The following ASIC2 variants were observed in gnomAD, a reference collection of about 807,000 sequenced individuals.
ASIC2 encodes acid sensing ion channel subunit 2.
ASIC2 carries 25 observed loss-of-function variants against 57.3 expected under a neutral mutation model. The ratio of observed to expected loss-of-function variants is 0.44; its 90% CI spans 0.32 to 0.61. The LOEUF is 0.61. Ranked by LOEUF, ASIC2 falls within the 20% of genes least tolerant of loss-of-function variation. The probability of loss-of-function intolerance (pLI) is 0.06; values close to 1 mark genes in which losing one functional copy is unlikely to be tolerated. For synonymous variants in ASIC2, 319 were observed against 307.5 expected (o/e 1.04, Z -0.39); for missense variants, 641 against 738.1 (o/e 0.87, Z 1.52).
At chr17:34,055,971 G>A (rs940505775) in intron 1 of ASIC2, among the ~76,000 whole-genome samples, 1 of 152,148 alleles carries the variant, frequency 6.6e-6, no homozygotes, top group Non-Finnish European at 1.5e-5. Flanking sequence ...GCAGTTAAGA[G>A]GCTATTACAG....
intron 1 of ASIC2, among the ~76,000 whole-genome samples, chr17:33,446,119 G>A (rs1433244681): frequency 6.6e-6 from 1 of 151,968 alleles, no homozygotes; most frequent in Admixed American, 6.6e-5. Flanking sequence ...GATGGGACGA[G>A]GGAACTCTTA....
intron 1 of ASIC2, among the ~76,000 whole-genome samples, chr17:34,102,360 AAATAT>A (rs1910897974): frequency 6.6e-6 from 1 of 151,940 alleles, no homozygotes; most frequent in Non-Finnish European, 1.5e-5. Flanking sequence ...AAATAAAATA[AAATAT>A]AAAGATAAAA....
chr17:33,101,567 T>A (rs1390772956), intron 2 of ASIC2, among the ~76,000 whole-genome samples: 1 of 152,168 alleles, frequency 6.6e-6, no homozygotes, highest in Non-Finnish European at 1.5e-5. Context: ...AAATTTTAGA[T>A]CCTGTCTACC....
intron 1 of ASIC2, among the ~76,000 whole-genome samples, chr17:34,097,091 G>A (rs1910575131): frequency 6.6e-6 from 1 of 152,072 alleles, no homozygotes; most frequent in South Asian, 2.1e-4. Context: ...TTAGAGAGAA[G>A]GACAGCATGG....
chr17:34,038,179 G>A, intron 1 of ASIC2: 1 of 1,612,584 alleles, frequency 6.2e-7, no homozygotes, highest in Admixed American at 1.7e-5. Context: ...AGTGTATGAT[G>A]GGAGGTTTTA....
At chr17:33,098,597 A>G (rs2092194480) in intron 2 of ASIC2, among the ~76,000 whole-genome samples, 1 of 152,234 alleles carries the variant, frequency 6.6e-6, no homozygotes, top group African/African-American at 2.4e-5. Context: ...AGGAGATGCT[A>G]CCAAGTGTCC....
intron 1 of ASIC2, among the ~76,000 whole-genome samples, chr17:33,154,995 TTTCAC>T (rs201276088): frequency 0.013 from 1,959 of 152,336 alleles, 36 homozygotes; most frequent in African/African-American, 0.045. Context: ...CTGGGCTGTC[TTTCAC>T]CTGCGCCGCG....
intron 3 of ASIC2, among the ~76,000 whole-genome samples, chr17:33,085,243 C>A (rs889772778): frequency 6.6e-6 from 1 of 152,180 alleles, no homozygotes; most frequent in African/African-American, 2.4e-5. Context: ...TTGATAGCAA[C>A]GTAGCTGCCA....
chr17:33,892,390 T>G (rs1434553038), intron 1 of ASIC2, among the ~76,000 whole-genome samples: 1 of 152,106 alleles, frequency 6.6e-6, no homozygotes, highest in Non-Finnish European at 1.5e-5. Context: ...ACAGAGTAGA[T>G]AGCAAGTGCA....
chr17:34,100,515 T>A lies in ASIC2; in HGVS notation c.555+55463A>T, dbSNP rs77994998. On this transcript the variant is annotated intron_variant, in intron 1 of 9. Transcript: ENST00000359872. ...GCAGGCTCTATTTATCCAGAGCAAT[T>A]ATCTTCAGACTTTGTCAACCTCAGC... Among the ~76,000 whole-genome samples, 1,351 of 152,264 alleles carry A rather than the reference T, an allele frequency of 8.9e-3. 4 individuals are homozygous for A. The highest frequency in any genetic ancestry group is 0.015 in the Non-Finnish European group (988 of 68,024).
intron 1 of ASIC2, chr17:34,000,740 C>G (rs1906313699): frequency 6.6e-6 from 1 of 152,192 alleles, no homozygotes; most frequent in Admixed American, 6.5e-5. Context: ...TGGTATCCCC[C>G]ACGTCCTGTA....
intron 1 of ASIC2, among the ~76,000 whole-genome samples, chr17:33,742,691 G>T (rs1249606888): frequency 6.6e-6 from 1 of 152,142 alleles, no homozygotes; most frequent in Non-Finnish European, 1.5e-5. Context: ...GGGTGGCGTG[G>T]CCCAGAACAT....
chr17:33,120,077 G>A (rs1433035643), intron 1 of ASIC2, among the ~76,000 whole-genome samples: 1 of 152,200 alleles, frequency 6.6e-6, no homozygotes, highest in Non-Finnish European at 1.5e-5. Context: ...CTAGCCCAAG[G>A]TCCTACAGCT....
chr17:33,515,921 C>A (rs1435934798), intron 1 of ASIC2, among the ~76,000 whole-genome samples: 1 of 151,936 alleles, frequency 6.6e-6, no homozygotes, highest in Non-Finnish European at 1.5e-5. Flanking sequence ...CATGGCAAAA[C>A]CCGGTCTCTA....
chr17:33,258,931 G>A (rs182010609), intron 1 of ASIC2, among the ~76,000 whole-genome samples: 16 of 152,264 alleles, frequency 1.1e-4, no homozygotes, highest in African/African-American at 3.8e-4. Flanking sequence ...AGGTGGTCCT[G>A]CTCCAAACTG....
At chr17:33,254,680 G>A (rs894165315) in intron 1 of ASIC2, among the ~76,000 whole-genome samples, 3 of 152,114 alleles carry the variant, frequency 2.0e-5, no homozygotes, top group African/African-American at 4.8e-5. Context: ...TTGTAGGCAT[G>A]TAAAACCTAA....
Position 34,140,118 on chromosome 17 carries a change from G to A in ASIC2, c.555+15860C>T, listed in dbSNP as rs113389188. ...TTGAATATGAATGAAGGGCAGGCTGGTAGCAGCCAGAGTGCACACAAGGAG... is the reference window on the plus strand; with the variant it reads ...TTGAATATGAATGAAGGGCAGGCTGATAGCAGCCAGAGTGCACACAAGGAG... On this transcript the variant is annotated intron_variant, in intron 1 of 9. Transcript: ENST00000359872. Among the ~76,000 whole-genome samples, 378 of 152,298 alleles carry A rather than the reference G, an allele frequency of 2.5e-3. 5 individuals are homozygous for A. The highest frequency in any genetic ancestry group is 8.7e-3 in the African/African-American group (361 of 41,562).
At chr17:33,173,385 A>G (rs1297199415) in intron 1 of ASIC2, among the ~76,000 whole-genome samples, 1 of 152,182 alleles carries the variant, frequency 6.6e-6, no homozygotes, top group Non-Finnish European at 1.5e-5. Flanking sequence ...GTACCTCGGT[A>G]CCAAGCTTGC....
chr17:33,642,616 T>A (rs921943894), intron 1 of ASIC2, among the ~76,000 whole-genome samples: 29 of 152,212 alleles, frequency 1.9e-4, no homozygotes, highest in African/African-American at 6.8e-4. Context: ...ATCAACCTTC[T>A]ATCCTGTCAG....
Sources: gnomAD v4.1 joint callset for allele counts (sites outside exome capture counted in the v4.1 genomes callset) on GRCh38, gnomAD v4.1.1 for gene constraint, MANE v1.5 for transcripts, NCBI Gene and HGNC (gene_info 2026-07-23, HGNC 2026-07-21) for gene names.